Variants in DLGAP1 observed in about 807,000 individuals in gnomAD.
DLGAP1 encodes the protein DLG associated protein 1.
Under a neutral mutation model 90.8 loss-of-function variants are expected in DLGAP1, and 11 were observed. That is an observed-to-expected ratio of 0.12 (90% confidence interval 0.08 to 0.20). The LOEUF is 0.20. DLGAP1 is among the 10% of genes least tolerant of loss of function. The pLI is 1.00. For synonymous variants in DLGAP1, 558 were observed against 540.7 expected, an observed-to-expected ratio of 1.03 and a Z score of -0.44; for missense variants, 1,050 against 1,333.8, an observed-to-expected ratio of 0.79 and a Z score of 3.31.
At chr18:3,843,153 T>C (rs1449048291) in intron 4 of DLGAP1, among the ~76,000 whole-genome samples, 1 of 152,196 alleles carries the variant, frequency 6.6e-6, no homozygotes, top group Non-Finnish European at 1.5e-5. Context: ...GGGTGCTTCT[T>C]TCTCTAGATA....
intron 1 of DLGAP1, among the ~76,000 whole-genome samples, chr18:4,336,944 CAAAA>C (rs78000211): frequency 8.5e-5 from 10 of 117,818 alleles, no homozygotes; most frequent in Non-Finnish European, 6.8e-5. Flanking sequence ...ACTGAAAATA[CAAAA>C]AAAAAAAAAA....
intron 1 of DLGAP1, among the ~76,000 whole-genome samples, chr18:4,433,997 C>T (rs16946763): frequency 6.6e-6 from 1 of 152,040 alleles, no homozygotes; most frequent in Non-Finnish European, 1.5e-5. Flanking sequence ...TCATGGTAAT[C>T]CAAATAGCTC....
At chr18:4,105,896 G>A (rs1318365588) in intron 2 of DLGAP1, among the ~76,000 whole-genome samples, 6 of 151,936 alleles carry the variant, frequency 3.9e-5, no homozygotes, top group Admixed American at 3.3e-4. Flanking sequence ...GCCGGGCGTG[G>A]TGGCGGGCAC....
At chr18:3,756,135 C>T (rs530969568) in intron 5 of DLGAP1, among the ~76,000 whole-genome samples, 68 of 152,082 alleles carry the variant, frequency 4.5e-4, no homozygotes, top group African/African-American at 1.4e-3. Flanking sequence ...CTGCAAGCTC[C>T]GCCTCCCGGG....
rs567360436 is a variant in DLGAP1, at chr18:3,911,936, C to G, written c.-72-31796G>C. 2.6e-5 allele frequency among the ~76,000 whole-genome samples: 4 copies of G among 152,288 alleles called. No homozygotes were observed. In the South Asian group the frequency reaches 8.3e-4, roughly 32 times the overall value. ...TTGGTTATCAAAGTGGGTCCCTGGG[C>G]CCACAGCAGCAGCATCACTTGGGAG... On this transcript the variant is annotated intron_variant, in intron 3 of 12. Transcript: ENST00000315677.
chr18:3,622,042 G>A (rs1293486440), intron 7 of DLGAP1, among the ~76,000 whole-genome samples: 5 of 152,124 alleles, frequency 3.3e-5, no homozygotes. Flanking sequence ...AGCCTCTGAT[G>A]TGCGTATGGG....
chr18:3,591,557 A>C (rs2056248427), intron 7 of DLGAP1, among the ~76,000 whole-genome samples: 2 of 151,580 alleles, frequency 1.3e-5, no homozygotes, highest in African/African-American at 2.4e-5. Flanking sequence ...ATCCTGCCCC[A>C]GCCTTCCAAG....
intron 2 of DLGAP1, among the ~76,000 whole-genome samples, chr18:4,089,782 A>T (rs917373303): frequency 1.3e-5 from 2 of 152,238 alleles, no homozygotes; most frequent in Non-Finnish European, 2.9e-5. Context: ...ACGGTGGCTC[A>T]CGCCTGTAGT....
At chr18:3,570,213 C>A (rs1182115144) in intron 8 of DLGAP1, among the ~76,000 whole-genome samples, 1 of 151,862 alleles carries the variant, frequency 6.6e-6, no homozygotes. Context: ...AAGTGACATA[C>A]ATATAAAGAC....
chr18:3,575,056 T>C (rs146647022), intron 8 of DLGAP1, among the ~76,000 whole-genome samples: 1,822 of 152,232 alleles, frequency 0.012, 31 homozygotes, highest in African/African-American at 0.042. Context: ...CCTCGTGATC[T>C]GCCCACCTAG....
At chr18:3,601,638 T>G (rs1360051694) in intron 7 of DLGAP1, among the ~76,000 whole-genome samples, 2 of 151,802 alleles carry the variant, frequency 1.3e-5, no homozygotes, top group Non-Finnish European at 2.9e-5. Flanking sequence ...AGGTCGGGAA[T>G]TTGAGACCAG....
chr18:3,589,026 A>G lies in DLGAP1; in HGVS notation c.1592-6778T>C, dbSNP rs184329527. Among the ~76,000 whole-genome samples the G allele has an allele frequency of 9.9e-3, 1,511 of 151,860 alleles. 28 individuals are homozygous for G. Among genetic ancestry groups the G allele is most frequent in the African/African-American group, 0.035 (1,430 of 41,440 alleles). On this transcript the variant is annotated intron_variant, in intron 7 of 12. Transcript: ENST00000315677. ...GTGAAACCCCGTCTCTACTAAAAAT[A>G]TATAAAAAAAAATTAACCCAGCGTG...
intron 7 of DLGAP1, among the ~76,000 whole-genome samples, chr18:3,600,454 T>G (rs994433927): frequency 1.1e-4 from 16 of 151,954 alleles, no homozygotes; most frequent in Non-Finnish European, 1.9e-4. Context: ...CAGGCTGGTC[T>G]CGAACCCCGG....
At chr18:4,024,885 A>T (rs1293345261) in intron 2 of DLGAP1, among the ~76,000 whole-genome samples, 2 of 152,122 alleles carry the variant, frequency 1.3e-5, no homozygotes, top group East Asian at 3.9e-4. Flanking sequence ...GACTCATGAA[A>T]CAGTAATCCA....
chr18:3,818,798 G>A (rs2067240952), intron 4 of DLGAP1, among the ~76,000 whole-genome samples: 1 of 151,502 alleles, frequency 6.6e-6, no homozygotes, highest in African/African-American at 2.4e-5. Context: ...GTTTTGCCAT[G>A]TTGGCCAGGC....
intron 6 of DLGAP1, among the ~76,000 whole-genome samples, chr18:3,735,237 G>C (rs2062590174): frequency 1.3e-5 from 2 of 151,912 alleles, no homozygotes; most frequent in South Asian, 4.2e-4. Context: ...ATTTTTTTTG[G>C]AGACGGAGTC....
chr18:4,346,351 T>A (rs1453229237), intron 1 of DLGAP1, among the ~76,000 whole-genome samples: 1 of 152,144 alleles, frequency 6.6e-6, no homozygotes, highest in Non-Finnish European at 1.5e-5. Context: ...GCACATCCTC[T>A]GCAGAAGACT....
chr18:4,121,473 C>T (rs2076152426), intron 2 of DLGAP1, among the ~76,000 whole-genome samples: 2 of 152,116 alleles, frequency 1.3e-5, no homozygotes, highest in Non-Finnish European at 1.5e-5. Context: ...ACCCCCCGTC[C>T]TCAACATCTG....
intron 2 of DLGAP1, among the ~76,000 whole-genome samples, chr18:4,147,510 T>C (rs1037303995): frequency 6.6e-6 from 1 of 152,154 alleles, no homozygotes; most frequent in South Asian, 2.1e-4. Flanking sequence ...GTAGTTTTTT[T>C]GTAAGAAGTT....
Sources: allele counts gnomAD v4.1 joint callset (sites outside exome capture counted in the v4.1 genomes callset), GRCh38; gene constraint gnomAD v4.1.1; transcripts MANE v1.5; gene names NCBI Gene and HGNC (gene_info 2026-07-23, HGNC 2026-07-21).